Variants in PTPRN2 observed in about 807,000 individuals in gnomAD.
PTPRN2 encodes receptor-type tyrosine-protein phosphatase N2.
A neutral mutation model predicts 118.8 loss-of-function variants in PTPRN2; 74 were observed. The observed-to-expected ratio is 0.62, with a 90% confidence interval of 0.52 to 0.76. The LOEUF (loss-of-function observed/expected upper bound fraction) is 0.76. Among genes scored for constraint, PTPRN2 ranks in the 30% least tolerant of loss-of-function variants. The pLI, the probability that PTPRN2 is intolerant of heterozygous loss-of-function variation, is 0.00. For synonymous variants in PTPRN2, 641 were observed against 608.0 expected, an observed-to-expected ratio of 1.05 and a Z score of -0.80; for missense variants, 1,481 against 1,394.4, an observed-to-expected ratio of 1.06 and a Z score of -0.99.
chr7:158,489,620 G>A lies in PTPRN2; in HGVS notation c.163+115C>T, dbSNP rs929701847. The A allele has an allele frequency of 1.1e-5, 12 of 1,096,168 alleles. No individual in the cohort carries two copies. In the Admixed American group the frequency reaches 1.3e-4, roughly 12 times the overall value. The allele number at this position is 1,096,168 out of a possible 1,614,324, so 67.9% of individuals were successfully genotyped here. On this transcript the variant is annotated intron_variant, in intron 2 of 22. Coordinates refer to ENST00000389418, the MANE Select transcript of PTPRN2 (RefSeq NM_002847.5). ...GTTCCATCCGCCTCCTCTCGGCAGCGCGCCCCGGGCGGCCCCAGCTCCAGG... is the reference window on the plus strand; with the variant it reads ...GTTCCATCCGCCTCCTCTCGGCAGCACGCCCCGGGCGGCCCCAGCTCCAGG...
chr7:157,722,644 G>A (rs929166115), intron 12 of PTPRN2, among the ~76,000 whole-genome samples: 2 of 152,194 alleles, frequency 1.3e-5, no homozygotes, highest in Non-Finnish European at 2.9e-5. Flanking sequence ...TTCCTCGGCA[G>A]GGCACTGCCT....
chr7:158,148,975 C>T (rs1820542885), intron 6 of PTPRN2, among the ~76,000 whole-genome samples: 2 of 45,860 alleles, frequency 4.4e-5, no homozygotes, highest in Non-Finnish European at 5.7e-5. Flanking sequence ...TCAATGACAC[C>T]CCATCTCACG....
At chr7:158,211,839 T>C (rs1827626254) in intron 3 of PTPRN2, among the ~76,000 whole-genome samples, 1 of 152,196 alleles carries the variant, frequency 6.6e-6, no homozygotes, top group African/African-American at 2.4e-5. Flanking sequence ...AATAGAGCTA[T>C]AATATAATCC....
intron 11 of PTPRN2, among the ~76,000 whole-genome samples, chr7:158,057,491 G>C (rs1809881259): frequency 6.6e-6 from 1 of 152,156 alleles, no homozygotes; most frequent in South Asian, 2.1e-4. Flanking sequence ...AATAGCCTCT[G>C]CAGTCTCACC....
intron 5 of PTPRN2, among the ~76,000 whole-genome samples, chr7:158,188,856 T>C (rs1049463874): frequency 6.6e-6 from 1 of 152,156 alleles, no homozygotes; most frequent in African/African-American, 2.4e-5. Context: ...AAGCCAGGAA[T>C]GGAAAGACTT....
intron 11 of PTPRN2, among the ~76,000 whole-genome samples, chr7:157,985,156 T>C (rs904024993): frequency 1.3e-5 from 2 of 152,250 alleles, no homozygotes. Flanking sequence ...ATCAGATGTT[T>C]GGGCCCTACT....
chr7:157,926,396 C>T (rs1798997831), intron 11 of PTPRN2, among the ~76,000 whole-genome samples: 1 of 152,232 alleles, frequency 6.6e-6, no homozygotes, highest in Admixed American at 6.5e-5. Context: ...TCCCCTTTCT[C>T]AGAGCATCTA....
intron 2 of PTPRN2, among the ~76,000 whole-genome samples, chr7:158,475,479 A>G (rs1670345): frequency 0.82 from 124,368 of 152,028 alleles, 50,966 homozygotes; most frequent in Middle Eastern, 0.87. Flanking sequence ...TTAACAAGCC[A>G]GCCGTGCACC....
intron 11 of PTPRN2, among the ~76,000 whole-genome samples, chr7:157,988,876 T>A (rs1178476141): frequency 6.6e-6 from 1 of 152,204 alleles, no homozygotes; most frequent in Non-Finnish European, 1.5e-5. Context: ...TTCTCACATC[T>A]GTGTCTAAAG....
In PTPRN2 at chr7:158,413,632, G is replaced by A. The variant is rs78054594; in HGVS notation, c.163+76103C>T. On this transcript the variant is annotated intron_variant, in intron 2 of 22. Coordinates refer to ENST00000389418, the MANE Select transcript of PTPRN2 (RefSeq NM_002847.5). ...GGGCTCCATGGCGACCTCAGCAGGC[G>A]AGCCCACCCCTCTCCCGGGAGGACT... 3.7e-3 allele frequency among the ~76,000 whole-genome samples: 561 copies of A among 152,328 alleles called. 12 individuals carry two copies. Among genetic ancestry groups the A allele is most frequent in the East Asian group, 0.031 (161 of 5,172 alleles).
At chr7:158,169,314 C>T (rs1823310616) in intron 5 of PTPRN2, among the ~76,000 whole-genome samples, 1 of 151,944 alleles carries the variant, frequency 6.6e-6, no homozygotes, top group Admixed American at 6.6e-5. Flanking sequence ...ACAATCTCAG[C>T]TCACTACAAC....
At chr7:158,127,015 G>T (rs571149709) in intron 9 of PTPRN2, among the ~76,000 whole-genome samples, 7 of 152,166 alleles carry the variant, frequency 4.6e-5, no homozygotes, top group Non-Finnish European at 8.8e-5. Context: ...TGCCTTCTCC[G>T]AGGTGCAAGA....
Position 158,400,633 on chromosome 7 carries a change from G to A in PTPRN2, c.164-83701C>T, listed in dbSNP as rs535306826. Among the ~76,000 whole-genome samples, 13 of 152,202 alleles carry A rather than the reference G, an allele frequency of 8.5e-5. No homozygotes were observed. The South Asian group carries it at 1.9e-3, about 22-fold the overall frequency. ...TCTCCTTGGGGTGAAAGTGAGGGGC[G>A]CTGGGAGTTGCCCTCTTGCAGGTCC... On this transcript the variant is annotated intron_variant, in intron 2 of 22. Transcript: ENST00000389418.
intron 12 of PTPRN2, among the ~76,000 whole-genome samples, chr7:157,850,941 T>G (rs969653313): frequency 1.3e-5 from 2 of 152,206 alleles, no homozygotes. Context: ...TCCCTATTCT[T>G]GGTTTACCCA....
At chr7:157,728,390 G>GC (rs1799714780) in intron 12 of PTPRN2, among the ~76,000 whole-genome samples, 1 of 152,254 alleles carries the variant, frequency 6.6e-6, no homozygotes, top group Admixed American at 6.5e-5. Context: ...CTGCGTCGGT[G>GC]CCTCCTGCCT....
chr7:158,070,481 CT>C (rs1811183246), intron 11 of PTPRN2, among the ~76,000 whole-genome samples: 1 of 101,280 alleles, frequency 9.9e-6, no homozygotes, highest in South Asian at 3.5e-4. Context: ...GGTGGAGGTG[CT>C]CCTGGTGGTG....
intron 12 of PTPRN2, among the ~76,000 whole-genome samples, chr7:157,723,844 G>A (rs1001822678): frequency 2.0e-5 from 3 of 152,106 alleles, no homozygotes; most frequent in Admixed American, 6.6e-5. Context: ...TCCAATTCCC[G>A]CTCATACACA....
chr7:158,346,511 T>C (rs1470889285), intron 2 of PTPRN2, among the ~76,000 whole-genome samples: 2 of 152,232 alleles, frequency 1.3e-5, no homozygotes, highest in African/African-American at 4.8e-5. Context: ...TCTTTATCCA[T>C]CCATCTGTCG....
At chr7:158,560,711 C>T (rs1827325370) in intron 1 of PTPRN2, among the ~76,000 whole-genome samples, 1 of 152,344 alleles carries the variant, frequency 6.6e-6, no homozygotes, top group Non-Finnish European at 1.5e-5. Flanking sequence ...TCATGAAGCC[C>T]TTTGAGAACA....
Sources: gnomAD v4.1 joint callset for allele counts (sites outside exome capture counted in the v4.1 genomes callset) on GRCh38, gnomAD v4.1.1 for gene constraint, MANE v1.5 for transcripts, NCBI Gene and HGNC (gene_info 2026-07-23, HGNC 2026-07-21) for gene names.